FHIT: variants seen among roughly 807,000 people sequenced by gnomAD.
The protein encoded by FHIT is bis(5'-adenosyl)-triphosphatase.
Under a neutral mutation model 17.9 loss-of-function variants are expected in FHIT, and 19 were observed. The observed-to-expected ratio is 1.06, with a 90% CI of 0.74 to 1.56. The LOEUF is 1.56. FHIT is among the 40% of genes most tolerant of loss of function. The pLI is 0.00. For synonymous variants in FHIT, 81 were observed against 69.7 expected (o/e 1.16, Z -0.81); for missense variants, 248 against 189.2 (o/e 1.31, Z -1.82).
intron 5 of FHIT, among the ~76,000 whole-genome samples, chr3:60,105,868 A>G (rs1704386139): frequency 6.6e-6 from 1 of 152,210 alleles, no homozygotes; most frequent in African/African-American, 2.4e-5. Context: ...TGAGAGATGA[A>G]TTTTCAGAGA....
intron 5 of FHIT, among the ~76,000 whole-genome samples, chr3:60,337,638 G>C (rs1056839458): frequency 2.6e-5 from 4 of 152,154 alleles, no homozygotes; most frequent in African/African-American, 9.7e-5. Context: ...TGGTGGACAA[G>C]TTAGCCGTGC....
intron 5 of FHIT, among the ~76,000 whole-genome samples, chr3:60,110,401 T>C (rs1208266483): frequency 6.6e-6 from 1 of 152,186 alleles, no homozygotes; most frequent in African/African-American, 2.4e-5. Flanking sequence ...ATTTATACTT[T>C]CTGATCAGGA....
chr3:59,809,792 T>G (rs1457112291), intron 8 of FHIT, among the ~76,000 whole-genome samples: 1 of 152,158 alleles, frequency 6.6e-6, no homozygotes, highest in Non-Finnish European at 1.5e-5. Flanking sequence ...CCTTTGAGGA[T>G]CCCTTCCCCG....
chr3:60,505,161 T>C (rs1160041943), intron 5 of FHIT, among the ~76,000 whole-genome samples: 1 of 152,228 alleles, frequency 6.6e-6, no homozygotes, highest in Non-Finnish European at 1.5e-5. Context: ...CCCACTACTT[T>C]TTTTCCTTCC....
At chr3:60,529,102 G>C (rs2035677676) in intron 5 of FHIT, among the ~76,000 whole-genome samples, 1 of 152,182 alleles carries the variant, frequency 6.6e-6, no homozygotes, top group Non-Finnish European at 1.5e-5. Flanking sequence ...TGGTATTGTA[G>C]AGGTTTTTAA....
At chr3:60,195,030 G>T (rs1458314905) in intron 5 of FHIT, among the ~76,000 whole-genome samples, 1 of 152,128 alleles carries the variant, frequency 6.6e-6, no homozygotes, top group Non-Finnish European at 1.5e-5. Context: ...GCCAGGCATA[G>T]CGGCAGGGAG....
intron 3 of FHIT, among the ~76,000 whole-genome samples, chr3:60,912,040 CACACACACACACAT>C (rs1278904580): frequency 4.0e-5 from 4 of 98,900 alleles, no homozygotes; most frequent in Non-Finnish European, 8.3e-5. Context: ...CTCTGCCTTA[CACACACACACACAT>C]ACACACACAC....
intron 8 of FHIT, among the ~76,000 whole-genome samples, chr3:59,889,757 A>C (rs1490230158): frequency 6.6e-6 from 1 of 152,248 alleles, no homozygotes; most frequent in African/African-American, 2.4e-5. Context: ...CATTAAGAAG[A>C]CACTAATTCT....
chr3:59,812,947 C>CTTAAG (rs1250292350), intron 8 of FHIT, among the ~76,000 whole-genome samples: 3 of 152,160 alleles, frequency 2.0e-5, no homozygotes, highest in Non-Finnish European at 4.4e-5. Context: ...ATTAAACTTA[C>CTTAAG]TTAAGTTCAC....
chr3:60,065,192 C>A (rs923267927), intron 5 of FHIT, among the ~76,000 whole-genome samples: 2 of 152,158 alleles, frequency 1.3e-5, no homozygotes, highest in Non-Finnish European at 2.9e-5. Flanking sequence ...ATTACACATA[C>A]AGCCAGGTTG....
At chr3:60,130,754 G>GTT (rs1699509446) in intron 5 of FHIT, among the ~76,000 whole-genome samples, 1 of 22,318 alleles carries the variant, frequency 4.5e-5, no homozygotes, top group Non-Finnish European at 8.4e-5. Context: ...GGGTGTGTGT[G>GTT]TGTGTGTGTG....
intron 5 of FHIT, among the ~76,000 whole-genome samples, chr3:60,199,047 C>T (rs773425815): frequency 2.6e-5 from 4 of 152,090 alleles, no homozygotes; most frequent in Non-Finnish European, 5.9e-5. Context: ...AGGAATCACG[C>T]TATTGTTAGA....
chr3:60,202,371 C>T (rs143186631), intron 5 of FHIT, among the ~76,000 whole-genome samples: 4 of 152,296 alleles, frequency 2.6e-5, no homozygotes, highest in African/African-American at 7.2e-5. Context: ...GCTTCCTCCA[C>T]ATTTTCCTGA....
intron 5 of FHIT, among the ~76,000 whole-genome samples, chr3:60,394,053 A>G (rs1386496403): frequency 6.6e-6 from 1 of 152,170 alleles, no homozygotes; most frequent in Non-Finnish European, 1.5e-5. Context: ...GTCTCTCAGG[A>G]TAGGCTTATG....
chr3:60,691,376 C>CTT (rs35786045), intron 4 of FHIT, among the ~76,000 whole-genome samples: 5 of 145,604 alleles, frequency 3.4e-5, no homozygotes. Context: ...TCTTTTTCTT[C>CTT]TTTTTTTTTT....
chr3:61,203,719 T>C (rs1576206829), intron 1 of FHIT, among the ~76,000 whole-genome samples: 1 of 152,200 alleles, frequency 6.6e-6, no homozygotes, highest in East Asian at 1.9e-4. Flanking sequence ...ATCACAATCA[T>C]ATGGAATAAA....
At chr3:60,276,963 A>G (rs1334121916) in intron 5 of FHIT, among the ~76,000 whole-genome samples, 2 of 152,120 alleles carry the variant, frequency 1.3e-5, no homozygotes, top group Non-Finnish European at 2.9e-5. Context: ...ACCTCCCACC[A>G]GGCCACTCAA....
chr3:59,966,381 C>T (rs985616394), intron 7 of FHIT, among the ~76,000 whole-genome samples: 105 of 152,258 alleles, frequency 6.9e-4, no homozygotes, highest in Non-Finnish European at 6.3e-4. Flanking sequence ...GAATAAATAT[C>T]TCTTTATCAA....
At chr3:59,981,838 C>G (rs1184843160) in intron 7 of FHIT, among the ~76,000 whole-genome samples, 2 of 151,912 alleles carry the variant, frequency 1.3e-5, no homozygotes, top group Non-Finnish European at 2.9e-5. Flanking sequence ...TTCTGGAATT[C>G]AAGAAAAAGT....
Sources: gnomAD v4.1 joint callset for allele counts (sites outside exome capture counted in the v4.1 genomes callset) on GRCh38, gnomAD v4.1.1 for gene constraint, MANE v1.5 for transcripts, NCBI Gene and HGNC (gene_info 2026-07-23, HGNC 2026-07-21) for gene names.